RET: variants seen among roughly 807,000 people sequenced by gnomAD.
RET encodes proto-oncogene tyrosine-protein kinase receptor Ret.
Under a neutral mutation model 118.3 loss-of-function variants are expected in RET, and 19 were observed. The observed-to-expected ratio is 0.16, with a 90% CI of 0.11 to 0.24. RET has a LOEUF of 0.24. Among genes scored for constraint, RET ranks in the 10% least tolerant of loss-of-function variants. The pLI, the probability that RET is intolerant of heterozygous loss-of-function variation, is 1.00. For synonymous variants in RET, 597 were observed against 644.1 expected (o/e 0.93, Z 1.11); for missense variants, 1,219 against 1,502.1 (o/e 0.81, Z 3.12).
intron 1 of RET, among the ~76,000 whole-genome samples, chr10:43,085,803 GGTCTTTGCTCCCAGGA>G (rs1190267422): frequency 1.3e-5 from 2 of 152,136 alleles, no homozygotes; most frequent in African/African-American, 4.8e-5. Context: ...TTGATGTTGA[GGTCTTTGCTCCCAGGA>G]CCTGGATAAC....
At chr10:43,092,634 G>A (rs755072822) in intron 1 of RET, among the ~76,000 whole-genome samples, 12 of 152,202 alleles carry the variant, frequency 7.9e-5, no homozygotes, top group Non-Finnish European at 1.6e-4. Context: ...GGACAGAGCC[G>A]AGGACCCAGG....
intron 12 of RET, among the ~76,000 whole-genome samples, chr10:43,117,725 T>C (rs537837694): frequency 6.6e-6 from 1 of 152,354 alleles, no homozygotes; most frequent in South Asian, 2.1e-4. Context: ...GCCTCTACAG[T>C]TAGACTCTCT....
Position 43,129,797 on chromosome 10 carries a change from G to C in RET, c.*1528G>C. ...CTTGTGGTGTGTGCGCACACACCCA[G>C]AGGGAGAGTTTGAAAAATGCTTATT... On this transcript the variant is annotated 3_prime_UTR_variant, in exon 20 of 20. Coordinates refer to ENST00000355710, the MANE Select transcript of RET (RefSeq NM_020975.6). The C allele has an allele frequency of 8.8e-5, 33 of 376,108 alleles. No homozygotes were observed. Among genetic ancestry groups the C allele is most frequent in the East Asian group, 2.9e-4 (7 of 24,110 alleles). 23.3% of individuals were successfully genotyped at this position (376,108 alleles called of 1,614,324 possible).
chr10:43,109,831 T>TA (rs1269752893), intron 6 of RET, among the ~76,000 whole-genome samples: 1 of 152,232 alleles, frequency 6.6e-6, no homozygotes, highest in East Asian at 1.9e-4. Context: ...TGAGGCGTGA[T>TA]CCCTTCTACC....
chr10:43,113,613 A>G lies in RET; in HGVS notation c.1817A>G (p.Tyr606Cys), dbSNP rs377767395. The G allele has an allele frequency of 6.2e-7, 1 of 1,613,056 alleles. No individual in the cohort carries two copies. The highest frequency in any genetic ancestry group is 8.5e-7 in the Non-Finnish European group (1 of 1,179,736). The change falls in exon 10 of 20, where the codon TAT becomes TGT. Residue 606 changes from tyrosine to cysteine, a missense_variant. Transcript: ENST00000355710. ...PGEPRGIKAGYGTCNCFPEEE... is the reference protein window; with the variant it reads ...PGEPRGIKAGCGTCNCFPEEE... ...GAGCCCCGGGGGATTAAAGCTGGCT[A>G]TGGCACCTGCAACTGCTTCCCTGAG...
rs1051504737 is a variant in RET at position 43,128,810 on chromosome 10, G to A, written c.*541G>A. 5 of 251,678 alleles carry A rather than the reference G, an allele frequency of 2.0e-5. No homozygotes were observed. In the South Asian group the frequency reaches 5.2e-4, roughly 26 times the overall value. The allele number at this position is 251,678 out of a possible 1,614,324, so 15.6% of individuals were successfully genotyped here. On this transcript the variant is annotated 3_prime_UTR_variant, in exon 20 of 20. Transcript: ENST00000355710. ...ATGCCCCTCCAGGGCTGGAGGGGAA[G>A]AGGGGCCCCGAGGATGGGCCTGGGC...
intron 1 of RET, among the ~76,000 whole-genome samples, chr10:43,098,422 T>A (rs889084466): frequency 2.1e-5 from 1 of 46,864 alleles, no homozygotes; most frequent in Non-Finnish European, 4.5e-5. Flanking sequence ...ATTTTCCTCC[T>A]TTTTTTTTTT....
rs757362687 is a variant in RET, at chr10:43,109,008, C to T, written c.1064-23C>T. 20 of 1,608,668 alleles carry T rather than the reference C, an allele frequency of 1.2e-5. No individual in the cohort carries two copies. The South Asian group carries it at 2.1e-4, about 17-fold the overall frequency. On this transcript the variant is annotated intron_variant, in intron 5 of 19. Coordinates refer to ENST00000355710, the MANE Select transcript of RET (RefSeq NM_020975.6). ...GAAGCAGCCAGAGCAGCTTGGTGGT[C>T]ATTGTTGTGCCCCTACCTGCAGGGC...
chr10:43,106,696 C>T lies in RET; in HGVS notation c.1063+125C>T. On this transcript the variant is annotated intron_variant, in intron 5 of 19. Coordinates refer to ENST00000355710, the MANE Select transcript of RET (RefSeq NM_020975.6). The surrounding 1 kb of genome is among the most constrained non-coding windows in gnomAD (Gnocchi z 5.1). The stretch of plus-strand genomic sequence containing the variant: ...GGCCCTCTGTGGCCCAAGCCACTTC[C>T]CCTCCACCCTCTGCCCAGCACTTCC... 1.0e-6 allele frequency: 1 copy of T among 966,376 alleles called. No individual in the cohort carries two copies. The highest frequency in any genetic ancestry group is 1.5e-5 in the South Asian group (1 of 67,248). The allele number at this position is 966,376 out of a possible 1,614,324, so 59.9% of individuals were successfully genotyped here.
At position 43,114,619 on chromosome 10, in the gene RET, G is replaced by A. The variant is rs2132850336; in HGVS notation, c.2019G>A (p.Glu673=). 6.2e-7 allele frequency: 1 copy of A among 1,613,024 alleles called. No individual in the cohort carries two copies. The highest frequency in any genetic ancestry group is 8.5e-7 in the Non-Finnish European group (1 of 1,180,000). Reference sequence around the variant, plus strand: ...ACAAGCCACCCATCTCCTCAGCTGAGATGACCTTCCGGAGGCCCGCCCAGG... The same window carrying A: ...ACAAGCCACCCATCTCCTCAGCTGAAATGACCTTCCGGAGGCCCGCCCAGG... The part of the protein sequence containing the change: ...FAHKPPISSA[E]MTFRRPAQAF... The change falls in exon 11 of 20, where the codon GAG becomes GAA. Residue 673 remains glutamate (E), a synonymous_variant. Coordinates refer to ENST00000355710, the MANE Select transcript of RET (RefSeq NM_020975.6). The surrounding 1 kb of genome is among the most constrained non-coding windows in gnomAD (Gnocchi z 4.6).
chr10:43,102,206 G>A (rs1466364879), intron 2 of RET, 136 bp from the exon 3 acceptor site: 3 of 1,109,960 alleles, frequency 2.7e-6, no homozygotes, highest in Non-Finnish European at 4.0e-6. Context: ...AGGCAGAGCT[G>A]GAACACCAGT....
At position 43,119,876 on chromosome 10, in the gene RET, A is replaced by C. The variant is rs532749624; in HGVS notation, c.2607+131A>C. On this transcript the variant is annotated intron_variant, in intron 14 of 19. Transcript: ENST00000355710. ...CACTCTAGCCCACCATGCCCCTGCCATGGCATGCCATGCTATGGCTCACCA... is the reference window on the plus strand; with the variant it reads ...CACTCTAGCCCACCATGCCCCTGCCCTGGCATGCCATGCTATGGCTCACCA... 4.1e-4 allele frequency: 513 copies of C among 1,251,676 alleles called. 2 individuals are homozygous for C. Among genetic ancestry groups the C allele is most frequent in the Middle Eastern group, 3.3e-3 (13 of 3,894 alleles). The allele number at this position is 1,251,676 out of a possible 1,614,324, so 77.5% of individuals were successfully genotyped here.
chr10:43,104,188 C>T (rs888832559), intron 3 of RET, among the ~76,000 whole-genome samples: 3 of 152,012 alleles, frequency 2.0e-5, no homozygotes, highest in Admixed American at 1.3e-4. Context: ...GTTAATGTCA[C>T]ATCATACCCC....
chr10:43,090,023 C>T lies in RET; in HGVS notation c.74-10436C>T, dbSNP rs577199978. On this transcript the variant is annotated intron_variant, in intron 1 of 19. Coordinates refer to ENST00000355710, the MANE Select transcript of RET (RefSeq NM_020975.6). ...GGAGCCCTGGGCCAGGCTGAGCGAG[C>T]GAGCACCAGGGCCCGGAGTGAGGGG... Among the ~76,000 whole-genome samples, 15 of 152,312 alleles carry T rather than the reference C, an allele frequency of 9.8e-5. No homozygotes were observed. In the South Asian group the frequency reaches 1.7e-3, roughly 17 times the overall value.
rs768188546 is a variant in RET at position 43,120,152 on chromosome 10, C to T, written c.2679C>T (p.Phe893=). 7.7e-5 allele frequency: 125 copies of T among 1,613,682 alleles called. No homozygotes were observed. Among genetic ancestry groups the T allele is most frequent in the Non-Finnish European group, 1.0e-4 (123 of 1,180,014 alleles). The change falls in exon 15 of 20, where the codon TTC becomes TTT. Residue 893 remains phenylalanine, a synonymous_variant. Coordinates refer to ENST00000355710, the MANE Select transcript of RET (RefSeq NM_020975.6). ...AEGRKMKISD[F]GLSRDVYEED... ...GGCGGAAGATGAAGATTTCGGATTTCGGCTTGTCCCGAGATGTTTATGAAG... is the reference window on the plus strand; with the variant it reads ...GGCGGAAGATGAAGATTTCGGATTTTGGCTTGTCCCGAGATGTTTATGAAG...
In RET at chr10:43,129,891, C is replaced by G. The variant is rs1489400895; in HGVS notation, c.*1622C>G. The G allele has an allele frequency of 2.5e-6, 1 of 396,118 alleles. No individual in the cohort carries two copies. The highest frequency in any genetic ancestry group is 4.5e-6 in the Non-Finnish European group (1 of 224,600). The allele number at this position is 396,118 out of a possible 1,614,324, so 24.5% of individuals were successfully genotyped here. On this transcript the variant is annotated 3_prime_UTR_variant, in exon 20 of 20. Coordinates refer to ENST00000355710, the MANE Select transcript of RET (RefSeq NM_020975.6). ...CTGTGATAAGTTCTTTTACAAATATCTATAGACATGGTAAACTTTTGGTTT... is the reference window on the plus strand; with the variant it reads ...CTGTGATAAGTTCTTTTACAAATATGTATAGACATGGTAAACTTTTGGTTT...
intron 5 of RET, among the ~76,000 whole-genome samples, chr10:43,108,676 T>C (rs1837839716): frequency 6.6e-6 from 1 of 152,046 alleles, no homozygotes; most frequent in Non-Finnish European, 1.5e-5. Flanking sequence ...CAGGCACCAA[T>C]ACCCTATGCA....
chr10:43,080,911 G>T (rs576014274), intron 1 of RET, among the ~76,000 whole-genome samples: 1 of 152,332 alleles, frequency 6.6e-6, no homozygotes, highest in South Asian at 2.1e-4. Flanking sequence ...GCCAACATAT[G>T]CCTGAGGCCC....
intron 1 of RET, among the ~76,000 whole-genome samples, chr10:43,084,900 C>T (rs1256901694): frequency 3.9e-5 from 6 of 152,260 alleles, no homozygotes; most frequent in Non-Finnish European, 5.9e-5. Context: ...ACTGACAAGA[C>T]GAGACTCAGC....
Sources: allele counts gnomAD v4.1 joint callset (sites outside exome capture counted in the v4.1 genomes callset), GRCh38; gene constraint gnomAD v4.1.1; non-coding constraint Gnocchi (gnomAD v3.1); transcripts MANE v1.5; gene names NCBI Gene and HGNC (gene_info 2026-07-23, HGNC 2026-07-21).